Variants in FSTL1 observed in about 807,000 individuals in gnomAD.
The protein encoded by FSTL1 is follistatin-related protein 1.
A neutral mutation model predicts 45.9 loss-of-function variants in FSTL1; 24 were observed. The observed-to-expected ratio is 0.52, with a 90% CI of 0.38 to 0.74. FSTL1 has a LOEUF of 0.74. Ranked by LOEUF, FSTL1 falls within the 30% of genes least tolerant of loss-of-function variation. FSTL1 has a pLI of 0.00. For missense variants in FSTL1, 340 were observed against 381.8 expected, an observed-to-expected ratio of 0.89 and a Z score of 0.91; for synonymous variants, 120 against 137.6, an observed-to-expected ratio of 0.87 and a Z score of 0.89.
At chr3:120,410,738 A>G in intron 5 of FSTL1, 1 of 669,604 alleles carries the variant, frequency 1.5e-6, no homozygotes, top group Non-Finnish European at 2.8e-6. Flanking sequence ...CACAGCCAAC[A>G]TTCTGACCCA....
rs1017302616 is a variant in FSTL1, at chr3:120,417,660, G to C, written c.64-1633C>G. On this transcript the variant is annotated intron_variant, in intron 2 of 10. Transcript: ENST00000295633. ...CAGGCAGGGCCCTCTTGTGGAAACT[G>C]TGCCTGACAATGTAAGGCAACACGA... 2.0e-5 allele frequency among the ~76,000 whole-genome samples: 3 copies of C among 152,318 alleles called. No individual in the cohort carries two copies. The South Asian group carries it at 6.2e-4, about 32-fold the overall frequency.
chr3:120,422,294 T>C (rs1937291417), intron 2 of FSTL1, among the ~76,000 whole-genome samples: 1 of 152,250 alleles, frequency 6.6e-6, no homozygotes, highest in Admixed American at 6.5e-5. Flanking sequence ...ACTGTTTGTA[T>C]ACTTTTAATT....
intron 2 of FSTL1, among the ~76,000 whole-genome samples, chr3:120,447,273 T>C (rs1937769982): frequency 6.6e-6 from 1 of 151,960 alleles, no homozygotes; most frequent in Non-Finnish European, 1.5e-5. Flanking sequence ...TGGGAAAGAG[T>C]AGATGAGCAG....
intron 9 of FSTL1, among the ~76,000 whole-genome samples, chr3:120,401,455 C>A (rs1310283418): frequency 6.6e-6 from 1 of 152,188 alleles, no homozygotes; most frequent in African/African-American, 2.4e-5. Flanking sequence ...TCTCTAGGAT[C>A]CTTGTCTAGA....
chr3:120,407,506 G>A (rs145016483), intron 6 of FSTL1, among the ~76,000 whole-genome samples: 1 of 152,310 alleles, frequency 6.6e-6, no homozygotes, highest in East Asian at 1.9e-4. Context: ...CACTGGTTAT[G>A]GTGAAAGTCA....
In FSTL1 at chr3:120,396,185, A is replaced by C. The variant is rs1936695211; in HGVS notation, c.*767T>G. 1 of 149,896 alleles carries C rather than the reference A, an allele frequency of 6.7e-6. No homozygotes were observed. Among genetic ancestry groups the C allele is most frequent in the African/African-American group, 2.5e-5 (1 of 40,258 alleles). 9.3% of individuals were successfully genotyped at this position (149,896 alleles called of 1,614,324 possible). A position where few individuals can be genotyped will look rare whatever the true frequency, so the allele number is the denominator to read the frequency against. ...CTATGAAGTGGTGGGACTACTGAAA[A>C]ATAATTACAAAAGCTTAATACCTAG... On this transcript the variant is annotated 3_prime_UTR_variant, in exon 11 of 11. Transcript: ENST00000295633.
At chr3:120,409,481 A>C (rs1260551298) in intron 6 of FSTL1, 51 bp downstream of exon 6, 1 of 1,555,346 alleles carries the variant, frequency 6.4e-7, no homozygotes, top group Admixed American at 1.7e-5. Flanking sequence ...TGGGAGGAGG[A>C]AGCTTCCCTT....
intron 7 of FSTL1, 82 bp from the exon 8 acceptor site, chr3:120,403,436 C>T (rs981276958): frequency 4.2e-5 from 34 of 807,668 alleles, no homozygotes; most frequent in South Asian, 6.0e-5. Context: ...GGACCACATA[C>T]ACCCAGGGCC....
chr3:120,426,151 C>T (rs569775551), intron 2 of FSTL1, among the ~76,000 whole-genome samples: 1 of 151,720 alleles, frequency 6.6e-6, no homozygotes, highest in South Asian at 2.1e-4. Context: ...AATGGTTGAT[C>T]AAAAGTTTAA....
At chr3:120,415,569 CAT>C (rs973676001) in intron 3 of FSTL1, among the ~76,000 whole-genome samples, 1 of 152,108 alleles carries the variant, frequency 6.6e-6, no homozygotes, top group Non-Finnish European at 1.5e-5. Context: ...AAAAGAAAAA[CAT>C]GTGGAACATG....
At chr3:120,423,611 A>G (rs1340108014) in intron 2 of FSTL1, 2 of 152,112 alleles carry the variant, frequency 1.3e-5, no homozygotes, top group East Asian at 3.9e-4. Context: ...GGTACTTGAG[A>G]GAGGTGCTTC....
At chr3:120,441,453 A>C (rs1345314957) in intron 2 of FSTL1, 1 of 152,252 alleles carries the variant, frequency 6.6e-6, no homozygotes, top group Admixed American at 6.5e-5. Flanking sequence ...ACTACATAGA[A>C]GTTTAAGGGC....
At position 120,402,876 on chromosome 3, in the gene FSTL1, G is replaced by T; in HGVS notation, c.737C>A (p.Thr246Asn). 2 of 1,613,516 alleles carry T rather than the reference G, an allele frequency of 1.2e-6. No individual in the cohort carries two copies. Among genetic ancestry groups the T allele is most frequent in the Non-Finnish European group, 1.7e-6 (2 of 1,179,540 alleles). ...GACACAGCGGTTACAGTCCACCTCG[G>T]TCTCAGCTCCATCTGCATACGTTTC... ...EDETYADGAETEVDCNRCVCA... is the reference protein window; with the variant it reads ...EDETYADGAENEVDCNRCVCA... The change falls in exon 9 of 11, where the codon ACC becomes AAC. Residue 246 changes from threonine to asparagine, a missense_variant. By Grantham distance (65) the Thr-to-Asn change is moderately conservative. Transcript: ENST00000295633.
intron 2 of FSTL1, among the ~76,000 whole-genome samples, chr3:120,428,424 C>A (rs1364116506): frequency 6.6e-6 from 1 of 152,132 alleles, no homozygotes; most frequent in Non-Finnish European, 1.5e-5. Flanking sequence ...CAAAGTAGCA[C>A]CAGTCTCCAC....
At chr3:120,433,768 G>C (rs961725878) in intron 2 of FSTL1, among the ~76,000 whole-genome samples, 1 of 152,188 alleles carries the variant, frequency 6.6e-6, no homozygotes, top group African/African-American at 2.4e-5. Context: ...GGACCTGAAG[G>C]ATGAGAGCAA....
intron 6 of FSTL1, among the ~76,000 whole-genome samples, chr3:120,408,196 CA>C (rs1275330145): frequency 6.6e-6 from 1 of 152,172 alleles, no homozygotes; most frequent in Non-Finnish European, 1.5e-5. Flanking sequence ...TGTTCCTGTC[CA>C]AGTCTCCTGG....
Position 120,412,057 on chromosome 3 carries a change from G to GCA in FSTL1, c.169-76_169-75dup, listed in dbSNP as rs921597970. The GCA allele has an allele frequency of 1.3e-3, 708 of 539,138 alleles. 2 individuals are homozygous for GCA. The highest frequency in any genetic ancestry group is 1.7e-3 in the South Asian group (54 of 31,818). 33.4% of individuals were successfully genotyped at this position (539,138 alleles called of 1,614,324 possible). A position where few individuals can be genotyped will look rare whatever the true frequency, so the allele number is the denominator to read the frequency against. On this transcript the variant is annotated intron_variant, in intron 3 of 10. Coordinates refer to ENST00000295633, the MANE Select transcript of FSTL1 (RefSeq NM_007085.5). ...CACAGACACACACACACACATACAT[G>GCA]CACACACACACACAGAGCCATTTTG...
At chr3:120,410,571 A>G in intron 5 of FSTL1, 1 of 354,540 alleles carries the variant, frequency 2.8e-6, no homozygotes, top group Middle Eastern at 9.1e-4. Context: ...AAACCACAGA[A>G]GTCTTACTGG....
At chr3:120,422,870 T>C (rs997976148) in intron 2 of FSTL1, among the ~76,000 whole-genome samples, 2 of 152,140 alleles carry the variant, frequency 1.3e-5, no homozygotes, top group Non-Finnish European at 2.9e-5. Flanking sequence ...AATTTTTGTA[T>C]TTTTAGTAGA....
Sources: allele counts gnomAD v4.1 joint callset (sites outside exome capture counted in the v4.1 genomes callset), GRCh38; gene constraint gnomAD v4.1.1; transcripts MANE v1.5; gene names NCBI Gene and HGNC (gene_info 2026-07-23, HGNC 2026-07-21).